Variants in ZMYM1 observed in about 807,000 individuals in gnomAD.
ZMYM1 encodes the protein zinc finger MYM-type containing 1, also known as zinc finger MYM-type protein 1.
A neutral mutation model predicts 60.0 loss-of-function variants in ZMYM1; 39 were observed. The ratio of observed to expected loss-of-function variants is 0.65; its 90% confidence interval spans 0.50 to 0.85. The LOEUF is 0.85. Ranked by LOEUF, ZMYM1 falls within the 40% of genes least tolerant of loss-of-function variation. The pLI is 0.00. For synonymous variants in ZMYM1, 413 were observed against 454.0 expected (o/e 0.91, Z 1.15); for missense variants, 1,171 against 1,309.5 (o/e 0.89, Z 1.63).
At chr1:35,093,635 A>C (rs1643151842) in intron 1 of ZMYM1, among the ~76,000 whole-genome samples, 1 of 152,188 alleles carries the variant, frequency 6.6e-6, no homozygotes, top group Non-Finnish European at 1.5e-5. Context: ...AGTTAAAAAT[A>C]AACTTGTAAG....
intron 3 of ZMYM1, 27 bp downstream of exon 3, chr1:35,095,918 G>T: frequency 6.7e-7 from 1 of 1,490,784 alleles, no homozygotes; most frequent in Non-Finnish European, 9.3e-7. Flanking sequence ...AGTTAGTTAT[G>T]TTTATTCAGA....
At chr1:35,106,391 C>T (rs1416070597) in intron 6 of ZMYM1, among the ~76,000 whole-genome samples, 1 of 152,022 alleles carries the variant, frequency 6.6e-6, no homozygotes, top group East Asian at 1.9e-4. Context: ...GGCCGATCAC[C>T]TGAGGTCAGG....
At chr1:35,083,166 T>G (rs944376702) in intron 1 of ZMYM1, among the ~76,000 whole-genome samples, 1 of 151,038 alleles carries the variant, frequency 6.6e-6, no homozygotes, top group Non-Finnish European at 1.5e-5. Context: ...TTTCTTTTTT[T>G]TTTTTAAGAC....
chr1:35,106,385 G>T (rs1422084357), intron 6 of ZMYM1, among the ~76,000 whole-genome samples: 2 of 152,132 alleles, frequency 1.3e-5, no homozygotes, highest in East Asian at 3.9e-4. Flanking sequence ...GAGGCTGGCC[G>T]ATCACCTGAG....
downstream of ZMYM1, among the ~76,000 whole-genome samples, chr1:35,117,009 A>G (rs1272257965): frequency 2.0e-5 from 3 of 148,336 alleles, no homozygotes; most frequent in Admixed American, 2.0e-4. Context: ...GTGCCCGGCT[A>G]ATTTTTTGTA....
At position 35,114,541 on chromosome 1, in the gene ZMYM1, G is replaced by A. The variant is rs1049684185; in HGVS notation, c.2711G>A (p.Arg904Lys). 8.7e-6 allele frequency: 14 copies of A among 1,610,424 alleles called. No homozygotes were observed. The highest frequency in any genetic ancestry group is 1.0e-5 in the Non-Finnish European group (12 of 1,178,464). ...ATTTTGGAATGTTTATCATCTGAAA[G>A]AAATGACGTATACTTTAAAACAATC... ...EAILECLSSE[R>K]NDVYFKTIWD... The change falls in exon 10 of 10, where the codon AGA becomes AAA. Residue 904 changes from arginine (R) to lysine (K), a missense_variant. By Grantham distance (26) the Arg-to-Lys change is conservative. Coordinates refer to ENST00000359858, the MANE Select transcript of ZMYM1 (RefSeq NM_024772.5).
intron 1 of ZMYM1, among the ~76,000 whole-genome samples, chr1:35,063,997 T>C (rs990888144): frequency 1.3e-5 from 2 of 152,140 alleles, no homozygotes; most frequent in African/African-American, 4.8e-5. Flanking sequence ...AAATGATAGA[T>C]ATCCAGTACA....
At chr1:35,062,161 A>C (rs898813708) in intron 1 of ZMYM1, among the ~76,000 whole-genome samples, 1 of 152,090 alleles carries the variant, frequency 6.6e-6, no homozygotes, top group Admixed American at 6.6e-5. Flanking sequence ...TAAAGCGTCA[A>C]TTATTCGCAT....
intron 6 of ZMYM1, among the ~76,000 whole-genome samples, chr1:35,105,935 C>A (rs1051462380): frequency 6.6e-6 from 1 of 152,080 alleles, no homozygotes; most frequent in Non-Finnish European, 1.5e-5. Context: ...TTAACTCTTA[C>A]ACCAAACAAT....
chr1:35,113,613 A>C lies in ZMYM1; in HGVS notation c.1783A>C (p.Lys595Gln), dbSNP rs755675814. Residue 595 changes from lysine (K) to glutamine (Q), a missense_variant, in exon 10 of 10, where the codon AAA becomes CAA. Physicochemically the swap from Lys to Gln is moderately conservative, Grantham distance 53. Transcript: ENST00000359858. ...NFLELLEMRA[K>Q]DKGEETFRLM... ...TTTAGAATTGTTAGAAATGAGAGCA[A>C]AAGATAAAGGAGAAGAAACATTTCG... 1 of 1,613,766 alleles carries C rather than the reference A, an allele frequency of 6.2e-7. No homozygotes were observed. Among genetic ancestry groups the C allele is most frequent in the Admixed American group, 1.7e-5 (1 of 59,982 alleles).
intron 1 of ZMYM1, among the ~76,000 whole-genome samples, chr1:35,073,922 T>C (rs939097955): frequency 6.6e-6 from 1 of 152,026 alleles, no homozygotes; most frequent in African/African-American, 2.4e-5. Flanking sequence ...CAGCTGGGAT[T>C]ACAAGTGTGC....
At chr1:35,091,362 C>T (rs1191822784) in intron 1 of ZMYM1, among the ~76,000 whole-genome samples, 1 of 152,046 alleles carries the variant, frequency 6.6e-6, no homozygotes, top group Non-Finnish European at 1.5e-5. Flanking sequence ...CAGGTGCCTG[C>T]CACCACGCCT....
At chr1:35,101,862 C>A (rs1432442322) in intron 4 of ZMYM1, among the ~76,000 whole-genome samples, 1 of 152,134 alleles carries the variant, frequency 6.6e-6, no homozygotes, top group African/African-American at 2.4e-5. Flanking sequence ...TTGATATTTT[C>A]TATAGTGGCT....
chr1:35,066,359 A>C (rs1319841077), intron 1 of ZMYM1, among the ~76,000 whole-genome samples: 1 of 151,952 alleles, frequency 6.6e-6, no homozygotes, highest in Non-Finnish European at 1.5e-5. Flanking sequence ...CACCACGCCC[A>C]GCTAATTTTT....
Position 35,095,840 on chromosome 1 carries a change from TC to T in ZMYM1, c.120del (p.Arg41GlufsTer7). On this transcript the variant is annotated frameshift_variant, in exon 3 of 10. Coordinates refer to ENST00000359858, the MANE Select transcript of ZMYM1 (RefSeq NM_024772.5). LOFTEE classifies it high-confidence loss of function. The stretch of plus-strand genomic sequence containing the variant: ...TTAGGAGTATTGTCATAGGCAACAG[TC>T]CAGAACTCAGGAGAATGAACTGAAA... ...NAQEYCHRQQSRTQENELKIN... is the reference protein window; with the variant it reads ...NAQEYCHRQQXRTQENELKIN... 1 of 1,609,062 alleles carries T rather than the reference TC, an allele frequency of 6.2e-7. No homozygotes were observed.
At chr1:35,067,760 G>A (rs372076337) in intron 1 of ZMYM1, among the ~76,000 whole-genome samples, 8 of 151,488 alleles carry the variant, frequency 5.3e-5, no homozygotes, top group East Asian at 2.0e-4. Flanking sequence ...CTGTGGTCCC[G>A]GCTGCTTGGG....
intron 1 of ZMYM1, among the ~76,000 whole-genome samples, chr1:35,084,180 CT>C (rs934685708): frequency 0.012 from 1,702 of 142,480 alleles, 12 homozygotes; most frequent in African/African-American, 0.027. Flanking sequence ...TTCCATTTAA[CT>C]TTTTTTTTTT....
chr1:35,115,188 A>G lies in ZMYM1; in HGVS notation c.3358A>G (p.Asn1120Asp), dbSNP rs751732107. The G allele has an allele frequency of 6.8e-6, 11 of 1,612,842 alleles. No individual in the cohort carries two copies. The Admixed American group carries it at 1.5e-4, about 22-fold the overall frequency. The stretch of plus-strand genomic sequence containing the variant: ...AATGGCTGTTGAGCAGGAGTTGGTA[A>G]ATAAACTAATGGAGCCTGAAAGACT... ...ALMAVEQELVNKLMEPERLNE... is the reference protein window; with the variant it reads ...ALMAVEQELVDKLMEPERLNE... Residue 1120 changes from asparagine to aspartate, a missense_variant, in exon 10 of 10, where the codon AAT becomes GAT. Coordinates refer to ENST00000359858, the MANE Select transcript of ZMYM1 (RefSeq NM_024772.5).
rs369573211 is a variant in ZMYM1, at chr1:35,086,240, A to C, written c.-75+6798A>C. 7.4e-4 allele frequency among the ~76,000 whole-genome samples: 112 copies of C among 152,128 alleles called. 1 individual carries two copies. The South Asian group carries it at 0.017, about 23-fold the overall frequency. ...ACAGAATTTTAAGGTTTTTTCCCAA[A>C]ATTTTCAATATATACAGAATTTTAA... On this transcript the variant is annotated intron_variant, in intron 1 of 9. Coordinates refer to ENST00000359858, the MANE Select transcript of ZMYM1 (RefSeq NM_024772.5).
Sources: allele counts gnomAD v4.1 joint callset (sites outside exome capture counted in the v4.1 genomes callset), GRCh38; gene constraint gnomAD v4.1.1; transcripts MANE v1.5; gene names NCBI Gene and HGNC (gene_info 2026-07-23, HGNC 2026-07-21).